Variants in LHFPL3 observed in about 807,000 individuals in gnomAD.
LHFPL3 encodes LHFPL tetraspan subfamily member 3.
LHFPL3 carries 5 observed loss-of-function variants against 19.3 expected under a neutral mutation model. That is an observed-to-expected ratio of 0.26 (90% CI 0.14 to 0.54). The LOEUF is 0.54. Among genes scored for constraint, LHFPL3 ranks in the 20% least tolerant of loss-of-function variants. The pLI is 0.94. For missense variants in LHFPL3, 249 were observed against 307.4 expected (o/e 0.81, Z 1.42); for synonymous variants, 133 against 126.2 (o/e 1.05, Z -0.36).
intron 2 of LHFPL3, among the ~76,000 whole-genome samples, chr7:104,882,316 C>T (rs1313539361): frequency 6.6e-6 from 1 of 152,148 alleles, no homozygotes; most frequent in African/African-American, 2.4e-5. Flanking sequence ...GGCATGATCT[C>T]AGCTCACTGC....
chr7:104,441,650 A>T (rs12705210), intron 1 of LHFPL3, among the ~76,000 whole-genome samples: 1 of 152,056 alleles, frequency 6.6e-6, no homozygotes, highest in African/African-American at 2.4e-5. Flanking sequence ...ATCTTAGCTC[A>T]CTGCAGCCTC....
In LHFPL3 at chr7:104,611,540, C is replaced by T. The variant is rs1584438053; in HGVS notation, c.446-125135C>T. On this transcript the variant is annotated intron_variant, in intron 1 of 2. Transcript: ENST00000424859. ...ATCAAAGGGCAAAGAAGGAGACTAG[C>T]CCCTGATGTTTAGCTCAACTCAGAA... Among the ~76,000 whole-genome samples the T allele has an allele frequency of 2.6e-5, 4 of 152,204 alleles. No individual in the cohort carries two copies. In the South Asian group the frequency reaches 8.3e-4, roughly 32 times the overall value.
At chr7:104,543,112 A>G (rs1794519065) in intron 1 of LHFPL3, among the ~76,000 whole-genome samples, 1 of 152,144 alleles carries the variant, frequency 6.6e-6, no homozygotes, top group African/African-American at 2.4e-5. Context: ...ATGAGAACAC[A>G]TGGACACAGG....
rs1386042388 is a variant in LHFPL3 at position 104,736,656 on chromosome 7, T to C, written c.446-19T>C. On this transcript the variant is annotated intron_variant, in intron 1 of 2. Coordinates refer to ENST00000424859, the MANE Select transcript of LHFPL3 (RefSeq NM_199000.3). ...CTTATCTTTTTTGTTTCTTTTGTTT[T>C]TCTCTCTTTCTCTCCAAGCTGCCTG... The C allele has an allele frequency of 6.5e-7, 1 of 1,542,304 alleles. No individual in the cohort carries two copies. The highest frequency in any genetic ancestry group is 8.9e-7 in the Non-Finnish European group (1 of 1,123,148).
At chr7:104,464,669 A>G (rs1260983640) in intron 1 of LHFPL3, among the ~76,000 whole-genome samples, 1 of 152,214 alleles carries the variant, frequency 6.6e-6, no homozygotes, top group Non-Finnish European at 1.5e-5. Context: ...TGGTTGAGCT[A>G]TACATTGGCC....
intron 1 of LHFPL3, among the ~76,000 whole-genome samples, chr7:104,666,085 A>G (rs958179623): frequency 6.6e-6 from 1 of 152,206 alleles, no homozygotes; most frequent in Non-Finnish European, 1.5e-5. Flanking sequence ...GATACATGTG[A>G]CATTTTGTTA....
At chr7:104,367,352 G>C (rs1467765144) in intron 1 of LHFPL3, among the ~76,000 whole-genome samples, 2 of 152,166 alleles carry the variant, frequency 1.3e-5, no homozygotes, top group Non-Finnish European at 2.9e-5. Context: ...TCCAGCTTGG[G>C]AATCAGATGT....
At chr7:104,512,316 C>A (rs114613907) in intron 1 of LHFPL3, among the ~76,000 whole-genome samples, 1 of 151,978 alleles carries the variant, frequency 6.6e-6, no homozygotes, top group African/African-American at 2.4e-5. Flanking sequence ...GTCATGTAAT[C>A]GTTTATCAGA....
intron 1 of LHFPL3, among the ~76,000 whole-genome samples, chr7:104,442,784 G>T (rs1792252139): frequency 6.6e-6 from 1 of 152,092 alleles, no homozygotes; most frequent in South Asian, 2.1e-4. Flanking sequence ...CTGAGTTTTG[G>T]GTGGCGACTT....
intron 2 of LHFPL3, among the ~76,000 whole-genome samples, chr7:104,871,936 G>A (rs1391764983): frequency 6.6e-6 from 1 of 151,994 alleles, no homozygotes; most frequent in South Asian, 2.1e-4. Flanking sequence ...GGGATTACAG[G>A]TGTGAGCCAC....
intron 1 of LHFPL3, among the ~76,000 whole-genome samples, chr7:104,411,820 G>T (rs1017004618): frequency 6.6e-6 from 1 of 152,120 alleles, no homozygotes; most frequent in Non-Finnish European, 1.5e-5. Flanking sequence ...AAATAAAAAT[G>T]TTTCTTTAAA....
chr7:104,329,301 CG>C, intron 1 of LHFPL3, 77 bp downstream of exon 1: 1 of 1,490,410 alleles, frequency 6.7e-7, no homozygotes, highest in Non-Finnish European at 8.9e-7. Flanking sequence ...GTGGGAGGGA[CG>C]GGGGCTGTGC....
chr7:104,440,039 G>GTT (rs375040315), intron 1 of LHFPL3, among the ~76,000 whole-genome samples: 6 of 88,224 alleles, frequency 6.8e-5, no homozygotes, highest in African/African-American at 4.0e-4. Context: ...AAAGCCTGGG[G>GTT]GGGGGGAGGG....
At chr7:104,569,229 A>G (rs149292908) in intron 1 of LHFPL3, among the ~76,000 whole-genome samples, 13 of 152,326 alleles carry the variant, frequency 8.5e-5, no homozygotes, top group African/African-American at 2.6e-4. Flanking sequence ...TGTAGCACCC[A>G]TTACAGTATG....
intron 2 of LHFPL3, among the ~76,000 whole-genome samples, chr7:104,746,738 G>C (rs1451265327): frequency 6.6e-6 from 1 of 152,176 alleles, no homozygotes; most frequent in Admixed American, 6.5e-5. Context: ...CTGCCTGATA[G>C]AGATTTTATA....
chr7:104,895,758 A>T, intron 2 of LHFPL3: 1 of 152,214 alleles, frequency 6.6e-6, no homozygotes, highest in East Asian at 1.9e-4. Context: ...TTAACTTGGT[A>T]TGTGACTTTG....
chr7:104,810,449 G>C (rs2465061), intron 2 of LHFPL3, among the ~76,000 whole-genome samples: 29,307 of 152,096 alleles, frequency 0.19, 3,137 homozygotes, highest in East Asian at 0.35. Context: ...GGCTGGAGAG[G>C]TTTCAGAGGT....
intron 2 of LHFPL3, among the ~76,000 whole-genome samples, chr7:104,845,856 C>T (rs1330414123): frequency 6.6e-6 from 1 of 152,214 alleles, no homozygotes; most frequent in Non-Finnish European, 1.5e-5. Context: ...CTGGGGCCAC[C>T]ACCCTTTGGT....
At chr7:104,660,746 T>C (rs748519703) in intron 1 of LHFPL3, among the ~76,000 whole-genome samples, 50 of 152,218 alleles carry the variant, frequency 3.3e-4, no homozygotes, top group Middle Eastern at 3.2e-3. Context: ...TTTTTCTTCT[T>C]TTGTAAACTT....
Sources: gnomAD v4.1 joint callset for allele counts (sites outside exome capture counted in the v4.1 genomes callset) on GRCh38, gnomAD v4.1.1 for gene constraint, MANE v1.5 for transcripts, NCBI Gene and HGNC (gene_info 2026-07-23, HGNC 2026-07-21) for gene names.